ANKRD44: variants seen among roughly 807,000 people sequenced by gnomAD.
ANKRD44 encodes serine/threonine-protein phosphatase 6 regulatory ankyrin repeat subunit B.
In ANKRD44, 35 loss-of-function variants were observed where a neutral mutation model predicts 116.0. That is an observed-to-expected ratio of 0.30 (90% CI 0.23 to 0.40). The LOEUF (loss-of-function observed/expected upper bound fraction) is 0.40. Ranked by LOEUF, ANKRD44 falls within the 10% of genes least tolerant of loss-of-function variation. ANKRD44 has a pLI of 1.00. For missense variants in ANKRD44, 1,014 were observed against 1,242.6 expected, an observed-to-expected ratio of 0.82 and a Z score of 2.77; for synonymous variants, 435 against 461.8, an observed-to-expected ratio of 0.94 and a Z score of 0.74.
At chr2:197,308,713 T>G (rs906441544) in intron 1 of ANKRD44, among the ~76,000 whole-genome samples, 3 of 152,256 alleles carry the variant, frequency 2.0e-5, no homozygotes, top group African/African-American at 7.2e-5. Context: ...GCAACATCTT[T>G]GAAATTCCTG....
At chr2:197,112,132 T>C (rs2078583163) in intron 8 of ANKRD44, among the ~76,000 whole-genome samples, 1 of 152,214 alleles carries the variant, frequency 6.6e-6, no homozygotes, top group South Asian at 2.1e-4. Flanking sequence ...AGAATAAAAG[T>C]ATCCCCAATA....
At chr2:197,064,423 A>C (rs1205753966) in intron 16 of ANKRD44, among the ~76,000 whole-genome samples, 1 of 152,212 alleles carries the variant, frequency 6.6e-6, no homozygotes, top group Admixed American at 6.5e-5. Context: ...CTAACATCAT[A>C]ATGACAGGAT....
At chr2:197,067,246 A>C (rs576829064) in intron 16 of ANKRD44, among the ~76,000 whole-genome samples, 5 of 152,192 alleles carry the variant, frequency 3.3e-5, no homozygotes, top group Non-Finnish European at 5.9e-5. Context: ...GAAAGCTGAA[A>C]CTGGATCCCT....
chr2:196,989,280 A>AC lies in ANKRD44; in HGVS notation c.*310_*311insG. 4 of 383,440 alleles carry AC rather than the reference A, an allele frequency of 1.0e-5. No homozygotes were observed. The highest frequency in any genetic ancestry group is 1.0e-5 in the Non-Finnish European group (3 of 290,966). The allele number at this position is 383,440 out of a possible 1,614,324, so 23.8% of individuals were successfully genotyped here. ...TATGGACATTTTCTCTAGTTTGGCA[A>AC]AAAAAAAAAAAAAGGTCAGCACATC... On this transcript the variant is annotated 3_prime_UTR_variant, in exon 28 of 28. Transcript: ENST00000282272.
chr2:197,067,161 C>T (rs1165224720), intron 16 of ANKRD44, among the ~76,000 whole-genome samples: 2 of 152,064 alleles, frequency 1.3e-5, no homozygotes, highest in African/African-American at 4.8e-5. Flanking sequence ...TTTGACAAAC[C>T]TGACAAAAAC....
chr2:197,023,905 A>G (rs1413570561), intron 17 of ANKRD44, among the ~76,000 whole-genome samples: 8 of 152,228 alleles, frequency 5.3e-5, no homozygotes, highest in Admixed American at 2.6e-4. Flanking sequence ...CCGGGAACAC[A>G]GACTGATGCA....
intron 3 of ANKRD44, among the ~76,000 whole-genome samples, chr2:197,143,491 A>G (rs1302006476): frequency 6.6e-6 from 1 of 151,422 alleles, no homozygotes; most frequent in Non-Finnish European, 1.5e-5. Context: ...GAGAATGATG[A>G]TTTCCAATTT....
intron 10 of ANKRD44, among the ~76,000 whole-genome samples, chr2:197,090,307 C>T (rs566022913): frequency 1.3e-5 from 2 of 152,246 alleles, no homozygotes; most frequent in East Asian, 1.9e-4. Flanking sequence ...AGCATGACTC[C>T]TTAAATGTAA....
chr2:197,083,772 G>A (rs753142008), intron 13 of ANKRD44, among the ~76,000 whole-genome samples: 4 of 152,072 alleles, frequency 2.6e-5, no homozygotes, highest in African/African-American at 7.2e-5. Context: ...CATTTCCTTC[G>A]AACATTTTGT....
chr2:197,170,630 T>C (rs998212263), intron 2 of ANKRD44, among the ~76,000 whole-genome samples: 3 of 152,230 alleles, frequency 2.0e-5, no homozygotes, highest in Admixed American at 2.0e-4. Context: ...CACATTTTCA[T>C]ATGTCTTTTT....
At chr2:197,065,674 C>T (rs2077416470) in intron 16 of ANKRD44, among the ~76,000 whole-genome samples, 1 of 152,218 alleles carries the variant, frequency 6.6e-6, no homozygotes, top group South Asian at 2.1e-4. Context: ...ATAAACACCT[C>T]TACGCAAATA....
rs371329469 is a variant in ANKRD44 at position 197,182,786 on chromosome 2, G to A, written c.111+4237C>T. On this transcript the variant is annotated intron_variant, in intron 2 of 27. Transcript: ENST00000282272. Reference sequence around the variant, plus strand: ...TGTATTTTCATCCTGCCTTTGGTTGGAAAAAAATCTGCATATAAGTGACCT... The same window carrying A: ...TGTATTTTCATCCTGCCTTTGGTTGAAAAAAAATCTGCATATAAGTGACCT... 2.0e-5 allele frequency among the ~76,000 whole-genome samples: 3 copies of A among 152,120 alleles called. No individual in the cohort carries two copies. The East Asian group carries it at 5.8e-4, about 29-fold the overall frequency.
In ANKRD44 at chr2:196,988,927, C is replaced by T. The variant is rs2075871249; in HGVS notation, c.*664G>A. 1.0e-6 allele frequency: 1 copy of T among 985,320 alleles called. No individual in the cohort carries two copies. Among genetic ancestry groups the T allele is most frequent in the East Asian group, 1.1e-4 (1 of 8,832 alleles). The allele number at this position is 985,320 out of a possible 1,614,324, so 61.0% of individuals were successfully genotyped here. ...TTTGTGTATATGATCCACTACACAT[C>T]TGAGTTTTCATCTCGCAGAAGGGCA... is the stretch of plus-strand genomic sequence containing the variant. On this transcript the variant is annotated 3_prime_UTR_variant, in exon 28 of 28. Transcript: ENST00000282272.
chr2:197,244,841 T>A (rs114207715), intron 1 of ANKRD44, among the ~76,000 whole-genome samples: 1 of 152,350 alleles, frequency 6.6e-6, no homozygotes, highest in African/African-American at 2.4e-5. Context: ...TAAAAGCATG[T>A]GTATAAGTGG....
At chr2:197,139,305 C>A (rs1166581002) in intron 3 of ANKRD44, among the ~76,000 whole-genome samples, 2 of 152,068 alleles carry the variant, frequency 1.3e-5, no homozygotes, top group Non-Finnish European at 2.9e-5. Context: ...TGTGGTATAC[C>A]CGTACAATGG....
At chr2:197,155,978 C>A (rs1321670244) in intron 2 of ANKRD44, among the ~76,000 whole-genome samples, 1 of 152,122 alleles carries the variant, frequency 6.6e-6, no homozygotes, top group Admixed American at 6.5e-5. Context: ...AGCAAACAAT[C>A]CAATTAAAAA....
intron 10 of ANKRD44, among the ~76,000 whole-genome samples, chr2:197,092,425 G>C (rs62279206): frequency 0.13 from 19,204 of 152,256 alleles, 1,427 homozygotes; most frequent in Non-Finnish European, 0.17. Flanking sequence ...ATGTGTGTGT[G>C]ACTGTGAAAA....
chr2:197,072,131 G>A (rs2077575355), intron 16 of ANKRD44, among the ~76,000 whole-genome samples: 1 of 151,902 alleles, frequency 6.6e-6, no homozygotes, highest in Non-Finnish European at 1.5e-5. Flanking sequence ...AGGGTAGGGG[G>A]AGGAAAGGAG....
At chr2:197,238,326 C>A (rs369140886) in intron 1 of ANKRD44, among the ~76,000 whole-genome samples, 1 of 127,652 alleles carries the variant, frequency 7.8e-6, no homozygotes, top group East Asian at 3.4e-4. Context: ...GACACTCTAC[C>A]GTAAAAAAAA....
Sources: gnomAD v4.1 joint callset for allele counts (sites outside exome capture counted in the v4.1 genomes callset) on GRCh38, gnomAD v4.1.1 for gene constraint, MANE v1.5 for transcripts, NCBI Gene and HGNC (gene_info 2026-07-23, HGNC 2026-07-21) for gene names.